DENND2B: variants seen among roughly 807,000 people sequenced by gnomAD.
DENND2B encodes DENN domain-containing protein 2B.
A neutral mutation model predicts 116.0 loss-of-function variants in DENND2B; 32 were observed. The observed-to-expected ratio is 0.28, with a 90% CI of 0.21 to 0.37. DENND2B has a LOEUF of 0.37. Ranked by LOEUF, DENND2B falls within the 10% of genes least tolerant of loss-of-function variation. The pLI, the probability that DENND2B is intolerant of heterozygous loss-of-function variation, is 1.00. For synonymous variants in DENND2B, 588 were observed against 583.9 expected, an observed-to-expected ratio of 1.01 and a Z score of -0.10; for missense variants, 1,276 against 1,477.7, an observed-to-expected ratio of 0.86 and a Z score of 2.24.
chr11:8,777,431 C>T (rs1431195364), intron 1 of DENND2B, among the ~76,000 whole-genome samples: 2 of 152,174 alleles, frequency 1.3e-5, no homozygotes, highest in Non-Finnish European at 2.9e-5. Flanking sequence ...ACTGGAGTGG[C>T]GTCTCACTGC....
rs1443236009 is a variant in DENND2B, at chr11:8,702,829, C to G, written c.2572-109G>C. On this transcript the variant is annotated intron_variant, in intron 13 of 19. Coordinates refer to ENST00000313726, the MANE Select transcript of DENND2B (RefSeq NM_213618.2). The surrounding 1 kb of genome is among the most constrained non-coding windows in gnomAD (Gnocchi z 4.6). ...TTTCCCCTTCCAACCTGCTCTTTTC[C>G]AGGTCTCTCGTCTACCCTGCTATGC... is the stretch of plus-strand genomic sequence containing the variant. 2 of 1,403,160 alleles carry G rather than the reference C, an allele frequency of 1.4e-6. No individual in the cohort carries two copies. The highest frequency in any genetic ancestry group is 4.2e-5 in the Admixed American group (2 of 48,106). The allele number at this position is 1,403,160 out of a possible 1,614,324, so 86.9% of individuals were successfully genotyped here. A position where few individuals can be genotyped will look rare whatever the true frequency, so the allele number is the denominator to read the frequency against.
intron 4 of DENND2B, among the ~76,000 whole-genome samples, chr11:8,817,172 G>A (rs2061597744): frequency 6.6e-6 from 1 of 152,190 alleles, no homozygotes; most frequent in Admixed American, 6.5e-5. Context: ...CCATAAGTCT[G>A]AGACAAAGTT....
intron 4 of DENND2B, chr11:8,719,136 A>G: frequency 1.0e-6 from 1 of 985,674 alleles, no homozygotes; most frequent in Non-Finnish European, 1.2e-6. Flanking sequence ...CTCAGGAAGC[A>G]GGCAGAAGAA....
chr11:8,852,862 G>A (rs1233614629), intron 3 of DENND2B, among the ~76,000 whole-genome samples: 1 of 152,218 alleles, frequency 6.6e-6, no homozygotes, highest in Non-Finnish European at 1.5e-5. Flanking sequence ...TGGATTGGAG[G>A]CAGCAAGACA....
intron 2 of DENND2B, among the ~76,000 whole-genome samples, chr11:8,738,110 C>T (rs1290768748): frequency 1.3e-5 from 2 of 152,146 alleles, no homozygotes; most frequent in Admixed American, 6.5e-5. Context: ...ATACAGAGGG[C>T]ACAAATGCAG....
chr11:8,770,068 C>T (rs543662757), intron 1 of DENND2B, among the ~76,000 whole-genome samples: 19 of 152,222 alleles, frequency 1.2e-4, no homozygotes, highest in Non-Finnish European at 2.2e-4. Context: ...CAGTAGCCCA[C>T]CTTGTGTAGC....
At chr11:8,890,492 A>C (rs2064017856) in intron 1 of DENND2B, among the ~76,000 whole-genome samples, 1 of 152,222 alleles carries the variant, frequency 6.6e-6, no homozygotes, top group African/African-American at 2.4e-5. Context: ...AAAAACCTTG[A>C]AAAAAGATTA....
At chr11:8,885,354 A>T (rs1203171564) in intron 1 of DENND2B, among the ~76,000 whole-genome samples, 1 of 152,254 alleles carries the variant, frequency 6.6e-6, no homozygotes, top group African/African-American at 2.4e-5. Flanking sequence ...TTTTTAATTC[A>T]TTCTGGAAGG....
chr11:8,839,509 C>T (rs1212344627), intron 3 of DENND2B, among the ~76,000 whole-genome samples: 1 of 152,136 alleles, frequency 6.6e-6, no homozygotes, highest in East Asian at 1.9e-4. Flanking sequence ...GGGAGTTCCA[C>T]AGAAGAGCAA....
chr11:8,717,048 G>C (rs911929986), intron 5 of DENND2B, among the ~76,000 whole-genome samples: 10 of 152,116 alleles, frequency 6.6e-5, no homozygotes, highest in African/African-American at 2.4e-4. Flanking sequence ...TAATATCCAG[G>C]TCCTTCCATT....
chr11:8,809,198 C>A (rs2061159227), intron 1 of DENND2B: 1 of 152,208 alleles, frequency 6.6e-6, no homozygotes, highest in African/African-American at 2.4e-5. Flanking sequence ...CCCTTGTGGA[C>A]CCTCAGGCCA....
At chr11:8,785,204 C>A (rs1333740256) in intron 1 of DENND2B, 4 of 152,206 alleles carry the variant, frequency 2.6e-5, no homozygotes, top group Admixed American at 2.6e-4. Context: ...TGCACTTTCA[C>A]AGACCGTCAG....
rs2045404980 is a variant in DENND2B at position 8,718,200 on chromosome 11, G to A, written c.1478-308C>T. The A allele has an allele frequency of 5.7e-5, 44 of 778,198 alleles. No homozygotes were observed. The South Asian group carries it at 6.3e-4, about 11-fold the overall frequency. 48.2% of individuals were successfully genotyped at this position (778,198 alleles called of 1,614,324 possible). ...GACTGGCTCAGCCACCCCTGCCTGT[G>A]CCCAGCCAGAGGACAAAGCCAGCAA... On this transcript the variant is annotated intron_variant, in intron 4 of 19. Transcript: ENST00000313726.
At chr11:8,695,023 C>T (rs947542867) in intron 19 of DENND2B, among the ~76,000 whole-genome samples, 1 of 152,126 alleles carries the variant, frequency 6.6e-6, no homozygotes, top group African/African-American at 2.4e-5. Context: ...GATTGCACCA[C>T]TGCACTCCAG....
chr11:8,840,432 C>A (rs1003171171), intron 3 of DENND2B, among the ~76,000 whole-genome samples: 1 of 152,114 alleles, frequency 6.6e-6, no homozygotes, highest in Non-Finnish European at 1.5e-5. Flanking sequence ...TAGGGCTGAA[C>A]GGCAGGACCA....
intron 4 of DENND2B, among the ~76,000 whole-genome samples, chr11:8,817,426 G>T (rs146498421): frequency 6.6e-6 from 1 of 152,120 alleles, no homozygotes; most frequent in Non-Finnish European, 1.5e-5. Context: ...TAGGAAGGCA[G>T]AGAAATACCC....
chr11:8,856,580 G>A (rs957920090), intron 3 of DENND2B, among the ~76,000 whole-genome samples: 12 of 151,740 alleles, frequency 7.9e-5, no homozygotes, highest in African/African-American at 2.9e-4. Flanking sequence ...CTGGTCACAC[G>A]TGTCCAAAAA....
At chr11:8,905,669 C>T (rs117317883) in intron 1 of DENND2B, among the ~76,000 whole-genome samples, 3,166 of 152,004 alleles carry the variant, frequency 0.021, 45 homozygotes, top group Middle Eastern at 0.034. Flanking sequence ...GTGGGTGCGG[C>T]GGCTCAAGTC....
At chr11:8,720,133 G>A (rs1217680328) in intron 4 of DENND2B, among the ~76,000 whole-genome samples, 1 of 152,180 alleles carries the variant, frequency 6.6e-6, no homozygotes, top group Non-Finnish European at 1.5e-5. Context: ...GGCAGGAATG[G>A]AGGGAGGGAA....
Sources: allele counts gnomAD v4.1 joint callset (sites outside exome capture counted in the v4.1 genomes callset), GRCh38; gene constraint gnomAD v4.1.1; non-coding constraint Gnocchi (gnomAD v3.1); transcripts MANE v1.5; gene names NCBI Gene and HGNC (gene_info 2026-07-23, HGNC 2026-07-21).